Variants in MECOM observed in about 807,000 individuals in gnomAD.
MECOM encodes the protein MDS1 and EVI1 complex locus.
A neutral mutation model predicts 116.3 loss-of-function variants in MECOM; 13 were observed. The ratio of observed to expected loss-of-function variants is 0.11; its 90% CI spans 0.07 to 0.18. The LOEUF is 0.18. Among genes scored for constraint, MECOM ranks in the 10% least tolerant of loss-of-function variants. The pLI is 1.00. For synonymous variants in MECOM, 528 were observed against 535.2 expected (o/e 0.99, Z 0.19); for missense variants, 1,299 against 1,509.0 (o/e 0.86, Z 2.31).
At chr3:169,526,846 A>AT (rs932765888) in intron 1 of MECOM, among the ~76,000 whole-genome samples, 53 of 151,030 alleles carry the variant, frequency 3.5e-4, no homozygotes, top group Middle Eastern at 3.4e-3. Flanking sequence ...ACAAAGGTTT[A>AT]TTTTTTTTTC....
chr3:169,546,702 A>G (rs1760765132), intron 1 of MECOM, among the ~76,000 whole-genome samples: 1 of 152,164 alleles, frequency 6.6e-6, no homozygotes, highest in Non-Finnish European at 1.5e-5. Context: ...CTACTTCCCC[A>G]TCTCTAAAGA....
intron 2 of MECOM, among the ~76,000 whole-genome samples, chr3:169,351,163 A>G (rs895918200): frequency 6.6e-6 from 1 of 151,858 alleles, no homozygotes; most frequent in Non-Finnish European, 1.5e-5. Flanking sequence ...TTTTATATAA[A>G]TTATCTTTTG....
intron 1 of MECOM, among the ~76,000 whole-genome samples, chr3:169,639,109 T>A (rs1004336122): frequency 6.6e-6 from 1 of 152,176 alleles, no homozygotes; most frequent in Admixed American, 6.6e-5. Flanking sequence ...CATATCAGTC[T>A]ACGAGATAAC....
At chr3:169,612,835 C>G (rs768466883) in intron 1 of MECOM, among the ~76,000 whole-genome samples, 14 of 152,110 alleles carry the variant, frequency 9.2e-5, no homozygotes, top group Non-Finnish European at 1.9e-4. Flanking sequence ...GTCCTATACA[C>G]CTAAAGATTT....
chr3:169,616,636 G>A (rs1044673290), intron 1 of MECOM, among the ~76,000 whole-genome samples: 7 of 152,214 alleles, frequency 4.6e-5, no homozygotes, highest in East Asian at 1.9e-4. Context: ...CACTGCACAC[G>A]GCCAATTTAT....
At chr3:169,571,190 A>G (rs1763852392) in intron 1 of MECOM, among the ~76,000 whole-genome samples, 1 of 152,224 alleles carries the variant, frequency 6.6e-6, no homozygotes, top group African/African-American at 2.4e-5. Context: ...ATTCCTATAT[A>G]CCAATAATAG....
intron 1 of MECOM, among the ~76,000 whole-genome samples, chr3:169,562,771 C>T (rs1762803153): frequency 6.6e-6 from 1 of 151,970 alleles, no homozygotes; most frequent in Admixed American, 6.6e-5. Flanking sequence ...CATAGAAATG[C>T]TGGTAGGGGG....
intron 1 of MECOM, among the ~76,000 whole-genome samples, chr3:169,525,125 T>C (rs1167741303): frequency 6.6e-6 from 1 of 152,212 alleles, no homozygotes; most frequent in Non-Finnish European, 1.5e-5. Flanking sequence ...AGAAACAAAC[T>C]TATGTTTCTC....
At chr3:169,533,027 G>A (rs1477423010) in intron 1 of MECOM, among the ~76,000 whole-genome samples, 2 of 152,074 alleles carry the variant, frequency 1.3e-5, no homozygotes, top group Non-Finnish European at 2.9e-5. Context: ...ACAGGCACTG[G>A]CATATATATC....
chr3:169,446,411 C>A (rs1261105419), intron 1 of MECOM, among the ~76,000 whole-genome samples: 4 of 152,142 alleles, frequency 2.6e-5, no homozygotes, highest in Non-Finnish European at 5.9e-5. Flanking sequence ...CTTGCCCTGC[C>A]ATGATTCTGA....
At chr3:169,395,963 G>A (rs578089461) in intron 1 of MECOM, among the ~76,000 whole-genome samples, 4 of 152,192 alleles carry the variant, frequency 2.6e-5, no homozygotes, top group African/African-American at 9.6e-5. Flanking sequence ...ATATAAAAAT[G>A]GAAGAATACA....
At chr3:169,608,977 A>G (rs899473624) in intron 1 of MECOM, among the ~76,000 whole-genome samples, 1 of 152,148 alleles carries the variant, frequency 6.6e-6, no homozygotes, top group African/African-American at 2.4e-5. Flanking sequence ...TTCTCATCCC[A>G]TTACGCCATC....
At chr3:169,153,191 T>C (rs879398099) in intron 2 of MECOM, among the ~76,000 whole-genome samples, 1 of 152,088 alleles carries the variant, frequency 6.6e-6, no homozygotes, top group Non-Finnish European at 1.5e-5. Flanking sequence ...GGTAGCAAAA[T>C]AGAGACAATA....
At chr3:169,399,845 A>G (rs1431867316) in intron 1 of MECOM, among the ~76,000 whole-genome samples, 2 of 152,350 alleles carry the variant, frequency 1.3e-5, no homozygotes, top group South Asian at 4.1e-4. Context: ...TAAATTGTTC[A>G]AATAGAAGAA....
At chr3:169,569,447 T>C (rs1350822340) in intron 1 of MECOM, among the ~76,000 whole-genome samples, 38 of 152,246 alleles carry the variant, frequency 2.5e-4, no homozygotes, top group Non-Finnish European at 2.9e-5. Flanking sequence ...AACAAGGATA[T>C]TCAGGACTTG....
chr3:169,278,118 T>C (rs1437943751), intron 2 of MECOM, among the ~76,000 whole-genome samples: 7 of 152,232 alleles, frequency 4.6e-5, no homozygotes, highest in Admixed American at 4.6e-4. Flanking sequence ...AATAACAATG[T>C]ATAGGGATCT....
In MECOM at chr3:169,635,092, G is replaced by T. The variant is rs1463113675; in HGVS notation, c.37+28244C>A. 3.9e-5 allele frequency among the ~76,000 whole-genome samples: 6 copies of T among 152,260 alleles called. No individual in the cohort carries two copies. The East Asian group carries it at 5.8e-4, about 15-fold the overall frequency. ...GTTCAGCCCTTGTGGCGCTGCCAGG[G>T]CATTGTCCGGGGAAGGGGGTCAGAG... On this transcript the variant is annotated intron_variant, in intron 1 of 16. Coordinates refer to ENST00000651503, the MANE Select transcript of MECOM (RefSeq NM_004991.4).
chr3:169,386,195 A>C (rs1733289459), intron 1 of MECOM, among the ~76,000 whole-genome samples: 1 of 152,200 alleles, frequency 6.6e-6, no homozygotes, highest in Admixed American at 6.5e-5. Context: ...CCATTTTGGA[A>C]ACATATCAGA....
intron 1 of MECOM, among the ~76,000 whole-genome samples, chr3:169,434,710 G>A (rs974706141): frequency 7.9e-5 from 12 of 152,178 alleles, no homozygotes; most frequent in Non-Finnish European, 1.3e-4. Flanking sequence ...CTTTAATGAT[G>A]TGAGGCAAAT....
Sources: allele counts gnomAD v4.1 joint callset (sites outside exome capture counted in the v4.1 genomes callset), GRCh38; gene constraint gnomAD v4.1.1; transcripts MANE v1.5; gene names NCBI Gene and HGNC (gene_info 2026-07-23, HGNC 2026-07-21).